The following MACROD2 variants were observed in gnomAD, a reference collection of about 807,000 sequenced individuals.
The protein encoded by MACROD2 is mono-ADP ribosylhydrolase 2.
Under a neutral mutation model 70.4 loss-of-function variants are expected in MACROD2, and 36 were observed. That is an observed-to-expected ratio of 0.51 (90% CI 0.39 to 0.68). The LOEUF is 0.68. Ranked by LOEUF, MACROD2 falls within the 30% of genes least tolerant of loss-of-function variation. MACROD2 has a pLI of 0.00. For missense variants in MACROD2, 496 were observed against 538.4 expected (o/e 0.92, Z 0.78); for synonymous variants, 172 against 178.8 (o/e 0.96, Z 0.30).
At chr20:14,752,316 C>T (rs879529312) in intron 5 of MACROD2, among the ~76,000 whole-genome samples, 43 of 151,936 alleles carry the variant, frequency 2.8e-4, no homozygotes, top group Non-Finnish European at 5.4e-4. Flanking sequence ...CCCTCTTGTA[C>T]CCCCAGACTT....
chr20:15,943,272 A>T (rs116694179), intron 12 of MACROD2, among the ~76,000 whole-genome samples: 1 of 152,180 alleles, frequency 6.6e-6, no homozygotes. Context: ...GGAAAACGGC[A>T]TTGTTTCTGT....
At chr20:14,520,916 C>G (rs771362975) in intron 4 of MACROD2, among the ~76,000 whole-genome samples, 3 of 151,752 alleles carry the variant, frequency 2.0e-5, no homozygotes, top group Admixed American at 6.6e-5. Flanking sequence ...TAGATACACA[C>G]AGACACAGAT....
At position 15,457,766 on chromosome 20, in the gene MACROD2, T is replaced by G. The variant is rs146555236; in HGVS notation, c.571+26331T>G. On this transcript the variant is annotated intron_variant, in intron 7 of 17. Coordinates refer to ENST00000684519, the MANE Select transcript of MACROD2 (RefSeq NM_001351661.2). ...CTCTAGTTGAAGCTTAAATAAATCTTGAGTCCCTAGGAGATGCCTGGTGTC... is the reference window on the plus strand; with the variant it reads ...CTCTAGTTGAAGCTTAAATAAATCTGGAGTCCCTAGGAGATGCCTGGTGTC... Among the ~76,000 whole-genome samples the G allele has an allele frequency of 1.3e-3, 191 of 152,252 alleles. 1 individual carries two copies. Among genetic ancestry groups the G allele is most frequent in the African/African-American group, 4.5e-3 (187 of 41,566 alleles).
intron 5 of MACROD2, among the ~76,000 whole-genome samples, chr20:14,697,813 C>T (rs145172522): frequency 2.0e-4 from 30 of 152,276 alleles, no homozygotes; most frequent in African/African-American, 7.2e-4. Context: ...GTCACAATGA[C>T]AGCAGTTTAA....
intron 3 of MACROD2, among the ~76,000 whole-genome samples, chr20:14,254,329 A>C (rs893357118): frequency 6.6e-6 from 1 of 152,070 alleles, no homozygotes; most frequent in African/African-American, 2.4e-5. Flanking sequence ...AGAACTGCTA[A>C]GAATATACAC....
chr20:14,164,261 G>T (rs1440148199), intron 3 of MACROD2, among the ~76,000 whole-genome samples: 1 of 152,186 alleles, frequency 6.6e-6, no homozygotes. Context: ...GGGTGTGATT[G>T]TTAATGGAAG....
At chr20:15,484,264 G>A (rs940346612) in intron 7 of MACROD2, among the ~76,000 whole-genome samples, 7 of 151,704 alleles carry the variant, frequency 4.6e-5, no homozygotes, top group African/African-American at 1.2e-4. Flanking sequence ...AATGTACTAC[G>A]TAGAAGAAAA....
At chr20:15,290,430 T>G (rs545595159) in intron 6 of MACROD2, among the ~76,000 whole-genome samples, 1 of 152,338 alleles carries the variant, frequency 6.6e-6, no homozygotes, top group South Asian at 2.1e-4. Context: ...AGTTTCACAC[T>G]GCAGACTTGG....
intron 4 of MACROD2, among the ~76,000 whole-genome samples, chr20:14,564,011 G>T (rs1979613431): frequency 6.6e-6 from 1 of 151,862 alleles, no homozygotes; most frequent in African/African-American, 2.4e-5. Context: ...CAGATCAATG[G>T]AACAGAAAGA....
chr20:14,805,081 A>G (rs1281855034), intron 5 of MACROD2, among the ~76,000 whole-genome samples: 1 of 151,980 alleles, frequency 6.6e-6, no homozygotes, highest in African/African-American at 2.4e-5. Flanking sequence ...GTGTGCATGC[A>G]TATATGCCTT....
intron 8 of MACROD2, among the ~76,000 whole-genome samples, chr20:15,600,823 A>G (rs1019564790): frequency 1.3e-5 from 2 of 152,226 alleles, no homozygotes; most frequent in African/African-American, 2.4e-5. Context: ...ACAGATAAAC[A>G]CAGGAGCTCA....
At chr20:15,377,889 G>C (rs1193035038) in intron 6 of MACROD2, among the ~76,000 whole-genome samples, 2 of 152,018 alleles carry the variant, frequency 1.3e-5, no homozygotes, top group Non-Finnish European at 2.9e-5. Flanking sequence ...AACTAACACA[G>C]GAACAGAAAA....
chr20:14,813,970 C>T (rs2072744934), intron 5 of MACROD2, among the ~76,000 whole-genome samples: 1 of 152,022 alleles, frequency 6.6e-6, no homozygotes, highest in Non-Finnish European at 1.5e-5. Flanking sequence ...ATCTCATTAA[C>T]CAGCAACCAG....
intron 3 of MACROD2, among the ~76,000 whole-genome samples, chr20:14,271,170 A>G (rs1373403978): frequency 6.6e-6 from 1 of 152,214 alleles, no homozygotes; most frequent in Non-Finnish European, 1.5e-5. Context: ...TGGAGATCTG[A>G]GAACGGGCAG....
chr20:14,277,337 A>G (rs1022454360), intron 3 of MACROD2, among the ~76,000 whole-genome samples: 1 of 152,164 alleles, frequency 6.6e-6, no homozygotes, highest in Non-Finnish European at 1.5e-5. Flanking sequence ...AGTCCCAGCT[A>G]CTCGGGAGGC....
At position 14,930,863 on chromosome 20, in the gene MACROD2, TA is replaced by T. The variant is rs11448674; in HGVS notation, c.418+245919del. On this transcript the variant is annotated intron_variant, in intron 5 of 17. Transcript: ENST00000684519. ...TTTTAATTATGGCAATTTTTTTAAG[TA>T]AAAAAAAAAAAAAACAAAAGCCAGG... Among the ~76,000 whole-genome samples the T allele has an allele frequency of 2.7e-3, 322 of 120,324 alleles. 3 individuals carry two copies. The highest frequency in any genetic ancestry group is 7.9e-3 in the African/African-American group (242 of 30,520). The allele number at this position is 120,324 out of a possible 152,430, so 78.9% of individuals were successfully genotyped here.
intron 4 of MACROD2, among the ~76,000 whole-genome samples, chr20:14,499,599 T>C (rs1165960766): frequency 6.6e-6 from 1 of 152,020 alleles, no homozygotes; most frequent in Non-Finnish European, 1.5e-5. Context: ...ATAAGCCTGC[T>C]AAAGGAGGCC....
chr20:15,956,860 C>G (rs771318283), intron 12 of MACROD2, among the ~76,000 whole-genome samples: 1 of 152,040 alleles, frequency 6.6e-6, no homozygotes, highest in Non-Finnish European at 1.5e-5. Context: ...TATAGGAGAG[C>G]GGTGAATGTT....
chr20:14,584,969 A>G (rs1045455509), intron 4 of MACROD2, among the ~76,000 whole-genome samples: 1 of 152,182 alleles, frequency 6.6e-6, no homozygotes, highest in Admixed American at 6.5e-5. Context: ...TGATTAGCAA[A>G]TCCTTTGGGA....
Sources: allele counts gnomAD v4.1 joint callset (sites outside exome capture counted in the v4.1 genomes callset), GRCh38; gene constraint gnomAD v4.1.1; transcripts MANE v1.5; gene names NCBI Gene and HGNC (gene_info 2026-07-23, HGNC 2026-07-21).